Variants in SPRY4 observed in about 807,000 individuals in gnomAD.
SPRY4 encodes protein sprouty homolog 4.
In SPRY4, 7 loss-of-function variants were observed where a neutral mutation model predicts 17.0. The observed-to-expected ratio is 0.41, with a 90% confidence interval of 0.23 to 0.77. The LOEUF is 0.77. SPRY4 is among the 30% of genes least tolerant of loss of function. SPRY4 has a pLI of 0.32. For synonymous variants in SPRY4, 183 were observed against 174.1 expected (o/e 1.05, Z -0.40); for missense variants, 435 against 419.9 (o/e 1.04, Z -0.31).
intron 1 of SPRY4, among the ~76,000 whole-genome samples, chr5:142,318,665 T>G (rs1252303837): frequency 6.6e-6 from 1 of 152,050 alleles, no homozygotes. Context: ...ATAATATAAA[T>G]AAGAGAGAGG....
Position 142,314,192 on chromosome 5 carries a change from G to C in SPRY4, c.*17C>G. ...ACCAGGTTTCCAGGCAGAGCACTGG[G>C]GCTTCGACACAAACTGTCAGAAAGG... On this transcript the variant is annotated 3_prime_UTR_variant, in exon 2 of 2. Coordinates refer to ENST00000434127, the MANE Select transcript of SPRY4 (RefSeq NM_001127496.3). The surrounding 1 kb of genome is among the most constrained non-coding windows in gnomAD (Gnocchi z 4.8). The C allele has an allele frequency of 6.3e-7, 1 of 1,592,674 alleles. No individual in the cohort carries two copies. The highest frequency in any genetic ancestry group is 8.5e-7 in the Non-Finnish European group (1 of 1,171,200).
intron 1 of SPRY4, among the ~76,000 whole-genome samples, chr5:142,319,367 GT>G (rs1471049712): frequency 1.3e-5 from 2 of 152,184 alleles, no homozygotes; most frequent in Non-Finnish European, 2.9e-5. Context: ...CAGAGTTCAA[GT>G]GCTCTTCACT....
intron 1 of SPRY4, among the ~76,000 whole-genome samples, chr5:142,319,527 C>T (rs1460847019): frequency 6.6e-6 from 1 of 152,166 alleles, no homozygotes; most frequent in Non-Finnish European, 1.5e-5. Flanking sequence ...TACTCCTCCC[C>T]ACCTATCAAG....
rs765628515 is a variant in SPRY4 at position 142,314,643 on chromosome 5, A to G, written c.466T>C (p.Phe156Leu). The change falls in exon 2 of 2, where the codon TTC becomes CTC. Residue 156 changes from phenylalanine (F) to leucine (L), a missense_variant. Phe to Leu is a conservative substitution (Grantham distance 22, BLOSUM62 0). Transcript: ENST00000434127. This position sits in a 1 kb window ranked among gnomAD's most constrained non-coding sequence, Gnocchi z 4.8. ...PAVPPELDKHFLLCEACGKCK... is the reference protein window; with the variant it reads ...PAVPPELDKHLLLCEACGKCK... ...TTCCCACAGGCCTCGCACAGCAAGAAGTGCTTGTCCAGCTCGGGTGGGACC... is the reference window on the plus strand; with the variant it reads ...TTCCCACAGGCCTCGCACAGCAAGAGGTGCTTGTCCAGCTCGGGTGGGACC... The G allele has an allele frequency of 8.7e-6, 14 of 1,614,230 alleles. No homozygotes were observed. The highest frequency in any genetic ancestry group is 2.2e-5 in the East Asian group (1 of 44,884).
chr5:142,318,530 G>T (rs1318845537), intron 1 of SPRY4, among the ~76,000 whole-genome samples: 1 of 152,018 alleles, frequency 6.6e-6, no homozygotes, highest in Non-Finnish European at 1.5e-5. Context: ...ACAACTCTCA[G>T]TTGATTTGGT....
intron 1 of SPRY4, among the ~76,000 whole-genome samples, chr5:142,319,212 A>G (rs1402938858): frequency 6.6e-6 from 1 of 152,220 alleles, no homozygotes; most frequent in African/African-American, 2.4e-5. Context: ...GAACATCATT[A>G]GAACATCCTG....
At chr5:142,315,478 A>G (rs1270048303) in intron 1 of SPRY4, 3 of 265,924 alleles carry the variant, frequency 1.1e-5, no homozygotes, top group Non-Finnish European at 2.1e-5. Context: ...ACATGTTGAA[A>G]TTAATTTGTC....
At chr5:142,317,277 T>C (rs760733200) in intron 1 of SPRY4, 3 of 985,316 alleles carry the variant, frequency 3.0e-6, no homozygotes, top group African/African-American at 1.7e-5. Flanking sequence ...GCCTTGCTTC[T>C]AGAATAAATG....
intron 1 of SPRY4, among the ~76,000 whole-genome samples, chr5:142,322,131 A>T (rs1351267489): frequency 6.6e-6 from 1 of 152,206 alleles, no homozygotes; most frequent in East Asian, 1.9e-4. Flanking sequence ...ACTGGGCAGG[A>T]CAGATTTCCA....
At position 142,310,520 on chromosome 5, in the gene SPRY4, A is replaced by G. The variant is rs1758866387; in HGVS notation, c.*3689T>C. 1 of 152,632 alleles carries G rather than the reference A, an allele frequency of 6.6e-6. No individual in the cohort carries two copies. Among genetic ancestry groups the G allele is most frequent in the Admixed American group, 6.5e-5 (1 of 15,286 alleles). The allele number at this position is 152,632 out of a possible 1,614,324, so 9.5% of individuals were successfully genotyped here. On this transcript the variant is annotated 3_prime_UTR_variant, in exon 2 of 2. Transcript: ENST00000434127. ...TTAACTTGTTTTTTTCTTCACAAAC[A>G]GAAGAACTCTTACAATAGTAGACTT...
chr5:142,317,400 C>G, intron 1 of SPRY4: 1 of 985,388 alleles, frequency 1.0e-6, no homozygotes, highest in South Asian at 4.7e-5. Flanking sequence ...ATAAGATTCT[C>G]CAGCACCAGC....
In SPRY4 at chr5:142,311,906, T is replaced by C. The variant is rs6880007; in HGVS notation, c.*2303A>G. ...GGCCGTTTGCCAGGAAATAGGGTCTTTGTCGGTAGACAGTCAGTGTGGGGT... is the reference window on the plus strand; with the variant it reads ...GGCCGTTTGCCAGGAAATAGGGTCTCTGTCGGTAGACAGTCAGTGTGGGGT... On this transcript the variant is annotated 3_prime_UTR_variant, in exon 2 of 2. Coordinates refer to ENST00000434127, the MANE Select transcript of SPRY4 (RefSeq NM_001127496.3). 0.12 allele frequency: 17,677 copies of C among 150,102 alleles called. 1,811 individuals are homozygous for C. The highest frequency in any genetic ancestry group is 0.28 in the African/African-American group (11,523 of 40,580). The allele number at this position is 150,102 out of a possible 1,614,324, so 9.3% of individuals were successfully genotyped here.
At chr5:142,319,922 G>C (rs1596872386) in intron 1 of SPRY4, 2 of 846,970 alleles carry the variant, frequency 2.4e-6, no homozygotes, top group East Asian at 5.8e-5. Context: ...AAACCTGACA[G>C]TTGTACTTTG....
chr5:142,313,204 C>G lies in SPRY4; in HGVS notation c.*1005G>C, dbSNP rs1758990227. ...CCCCCAGATTTTGAAATCAGCCCTT[C>G]CTGGGGGTGGCCAAAAGGAAACAAG... On this transcript the variant is annotated 3_prime_UTR_variant, in exon 2 of 2. Transcript: ENST00000434127. 6.6e-6 allele frequency: 1 copy of G among 152,582 alleles called. No homozygotes were observed. Among genetic ancestry groups the G allele is most frequent in the East Asian group, 1.9e-4 (1 of 5,188 alleles). 9.5% of individuals were successfully genotyped at this position (152,582 alleles called of 1,614,324 possible).
At chr5:142,323,512 C>T (rs1233729349) in intron 1 of SPRY4, among the ~76,000 whole-genome samples, 1 of 152,188 alleles carries the variant, frequency 6.6e-6, no homozygotes, top group African/African-American at 2.4e-5. Context: ...GAGGCCTTGG[C>T]AATATGGATG....
chr5:142,317,572 C>T, intron 1 of SPRY4: 1 of 984,536 alleles, frequency 1.0e-6, no homozygotes, highest in East Asian at 1.1e-4. Context: ...TGGGTCTGGT[C>T]ATGCTGTGGA....
At chr5:142,322,132 C>T (rs1170607419) in intron 1 of SPRY4, among the ~76,000 whole-genome samples, 1 of 152,194 alleles carries the variant, frequency 6.6e-6, no homozygotes, top group Non-Finnish European at 1.5e-5. Context: ...CTGGGCAGGA[C>T]AGATTTCCAA....
At chr5:142,315,732 C>T (rs1759127691) in intron 1 of SPRY4, 1 of 152,734 alleles carries the variant, frequency 6.5e-6, no homozygotes. Context: ...AAAATGGGCT[C>T]TTGCAAGGAT....
At chr5:142,318,841 A>C (rs1405997113) in intron 1 of SPRY4, among the ~76,000 whole-genome samples, 1 of 152,216 alleles carries the variant, frequency 6.6e-6, no homozygotes, top group Admixed American at 6.5e-5. Flanking sequence ...ACCTCCACTC[A>C]ACCTTCTAAT....
Sources: allele counts gnomAD v4.1 joint callset (sites outside exome capture counted in the v4.1 genomes callset), GRCh38; gene constraint gnomAD v4.1.1; non-coding constraint Gnocchi (gnomAD v3.1); transcripts MANE v1.5; gene names NCBI Gene and HGNC (gene_info 2026-07-23, HGNC 2026-07-21).